Variants in ANAPC4 observed in about 807,000 individuals in gnomAD.
ANAPC4 encodes anaphase-promoting complex subunit 4.
Under a neutral mutation model 119.8 loss-of-function variants are expected in ANAPC4, and 63 were observed. That is an observed-to-expected ratio of 0.53 (90% CI 0.43 to 0.65). ANAPC4 has a LOEUF of 0.65. Ranked by LOEUF, ANAPC4 falls within the 30% of genes least tolerant of loss-of-function variation. ANAPC4 has a pLI of 0.00. For missense variants in ANAPC4, 716 were observed against 945.1 expected (o/e 0.76, Z 3.18); for synonymous variants, 283 against 318.6 (o/e 0.89, Z 1.19).
intron 4 of ANAPC4, among the ~76,000 whole-genome samples, chr4:25,385,295 C>A (rs1273926480): frequency 6.6e-6 from 1 of 152,184 alleles, no homozygotes; most frequent in Non-Finnish European, 1.5e-5. Flanking sequence ...ATATATATAT[C>A]TCTATATGTA....
chr4:25,411,152 G>A (rs1446675733), intron 21 of ANAPC4, among the ~76,000 whole-genome samples: 1 of 152,190 alleles, frequency 6.6e-6, no homozygotes, highest in Non-Finnish European at 1.5e-5. Flanking sequence ...GTGCAAGTTG[G>A]CTATTGAATG....
intron 16 of ANAPC4, among the ~76,000 whole-genome samples, chr4:25,397,350 C>T (rs1485158290): frequency 4.6e-5 from 7 of 152,208 alleles, no homozygotes; most frequent in East Asian, 1.9e-4. Flanking sequence ...CCTCTGGAGT[C>T]CCCTGTTCCA....
At chr4:25,403,055 T>C (rs751112863) in intron 17 of ANAPC4, 29 bp downstream of exon 17, 1 of 1,520,960 alleles carries the variant, frequency 6.6e-7, no homozygotes, top group South Asian at 1.2e-5. Context: ...GCATTTTTAT[T>C]TTAACACTTT....
chr4:25,402,065 T>A (rs1262950402), intron 16 of ANAPC4, among the ~76,000 whole-genome samples: 1 of 152,194 alleles, frequency 6.6e-6, no homozygotes, highest in Non-Finnish European at 1.5e-5. Context: ...TCTGGTGGCC[T>A]GGGGTAGGGT....
At chr4:25,406,677 C>A in intron 18 of ANAPC4, 152 bp from the exon 19 acceptor site, 1 of 623,174 alleles carries the variant, frequency 1.6e-6, no homozygotes, top group Non-Finnish European at 2.8e-6. Context: ...TTTTCACAGT[C>A]GCATAATCTA....
intron 2 of ANAPC4, among the ~76,000 whole-genome samples, chr4:25,378,725 G>T (rs1461306388): frequency 6.6e-6 from 1 of 152,184 alleles, no homozygotes; most frequent in East Asian, 1.9e-4. Flanking sequence ...AGGTGGACTT[G>T]GGAAACCTAA....
chr4:25,417,761 A>G, intron 28 of ANAPC4, 22 bp downstream of exon 28: 1 of 1,589,062 alleles, frequency 6.3e-7, no homozygotes, highest in Non-Finnish European at 8.5e-7. Context: ...GAGATCGTTC[A>G]GCAACTAAGA....
At chr4:25,383,515 T>A in intron 4 of ANAPC4, 122 bp downstream of exon 4, 2 of 944,920 alleles carry the variant, frequency 2.1e-6, no homozygotes, top group Non-Finnish European at 2.9e-6. Flanking sequence ...GGTTTCAGTT[T>A]ATCAAGATGA....
rs1723771500 is a variant in ANAPC4, at chr4:25,414,796, CT to C, written c.1826+99del. The C allele has an allele frequency of 6.0e-6, 7 of 1,157,698 alleles. No homozygotes were observed. The East Asian group carries it at 2.0e-4, about 33-fold the overall frequency. 71.7% of individuals were successfully genotyped at this position (1,157,698 alleles called of 1,614,324 possible). A position where few individuals can be genotyped will look rare whatever the true frequency, so the allele number is the denominator to read the frequency against. On this transcript the variant is annotated intron_variant, in intron 25 of 28. Transcript: ENST00000315368. The stretch of plus-strand genomic sequence containing the variant: ...TTCCAGCATTTCAGATTTTAAACTA[CT>C]TTGTGACTTTTAGATGTGTCATTTA...
In ANAPC4 at chr4:25,409,706, A is replaced by G; in HGVS notation, c.1440A>G (p.Lys480=). 6.2e-7 allele frequency: 1 copy of G among 1,609,248 alleles called. No individual in the cohort carries two copies. The highest frequency in any genetic ancestry group is 1.3e-5 in the African/African-American group (1 of 74,892). Residue 480 remains lysine (K), a synonymous_variant, in exon 21 of 29, where the codon AAA becomes AAG. Transcript: ENST00000315368. ...FNVERVGQYL[K]DEDDDLVSPP... ...TAATTCTGTATTTCTAGTACTTGAAAGATGAAGATGATGATCTTGTGTCAC... is the reference window on the plus strand; with the variant it reads ...TAATTCTGTATTTCTAGTACTTGAAGGATGAAGATGATGATCTTGTGTCAC...
At chr4:25,417,421 A>G (rs1723946687) in intron 27 of ANAPC4, 195 bp from the exon 28 acceptor site, 2 of 492,834 alleles carry the variant, frequency 4.1e-6, no homozygotes, top group Non-Finnish European at 6.3e-6. Context: ...GTGCCTAGCC[A>G]GAATATAGAA....
intron 23 of ANAPC4, 37 bp downstream of exon 23, chr4:25,414,422 A>G (rs1723747825): frequency 1.9e-6 from 3 of 1,596,838 alleles, no homozygotes; most frequent in Non-Finnish European, 2.6e-6. Context: ...GTAATTCCGC[A>G]GCCAATTTAA....
intron 17 of ANAPC4, 62 bp downstream of exon 17, chr4:25,403,088 CT>C: frequency 8.2e-7 from 1 of 1,226,626 alleles, no homozygotes; most frequent in Non-Finnish European, 1.2e-6. Context: ...GGAGTATTAT[CT>C]TAGACTGTTT....
chr4:25,406,987 A>G, intron 19 of ANAPC4, 102 bp downstream of exon 19: 5 of 1,010,256 alleles, frequency 4.9e-6, no homozygotes, highest in South Asian at 4.7e-5. Context: ...ATTGAAGTCT[A>G]TAGCAATTAC....
At chr4:25,397,192 G>T (rs1215166323) in intron 16 of ANAPC4, among the ~76,000 whole-genome samples, 2 of 152,232 alleles carry the variant, frequency 1.3e-5, no homozygotes, top group Admixed American at 1.3e-4. Context: ...TTTCTAAATT[G>T]TATGACTATG....
At position 25,412,692 on chromosome 4, in the gene ANAPC4, A is replaced by C. The variant is rs145285734; in HGVS notation, c.1526-953A>C. Among the ~76,000 whole-genome samples, 1,498 of 152,004 alleles carry C rather than the reference A, an allele frequency of 9.9e-3. 12 individuals are homozygous for C. The highest frequency in any genetic ancestry group is 0.014 in the Non-Finnish European group (977 of 67,940). On this transcript the variant is annotated intron_variant, in intron 21 of 28. Coordinates refer to ENST00000315368, the MANE Select transcript of ANAPC4 (RefSeq NM_013367.3). Reference sequence around the variant, plus strand: ...CTTGAATCCGGGAGGCAGAGTTTGCAATGAGCTGAGACTGCACCACTGCAC... The same window carrying C: ...CTTGAATCCGGGAGGCAGAGTTTGCCATGAGCTGAGACTGCACCACTGCAC...
chr4:25,417,984 G>A, intron 28 of ANAPC4, 171 bp from the exon 29 acceptor site: 3 of 839,946 alleles, frequency 3.6e-6, no homozygotes, highest in East Asian at 2.7e-5. Flanking sequence ...CTGTTGTTAT[G>A]TGGAGATCTT....
intron 13 of ANAPC4, 43 bp from the exon 14 acceptor site, chr4:25,394,786 A>C: frequency 6.2e-7 from 1 of 1,602,188 alleles, no homozygotes; most frequent in Non-Finnish European, 8.5e-7. Flanking sequence ...GTGGCATATA[A>C]TATCCTGATT....
chr4:25,407,914 A>G (rs1289316627), intron 20 of ANAPC4, among the ~76,000 whole-genome samples: 1 of 152,158 alleles, frequency 6.6e-6, no homozygotes, highest in Non-Finnish European at 1.5e-5. Flanking sequence ...AGAAGAAGAA[A>G]AAAAAGAATA....
Sources: allele counts gnomAD v4.1 joint callset (sites outside exome capture counted in the v4.1 genomes callset), GRCh38; gene constraint gnomAD v4.1.1; transcripts MANE v1.5; gene names NCBI Gene and HGNC (gene_info 2026-07-23, HGNC 2026-07-21).